The following BMPER variants were observed in gnomAD, a reference collection of about 807,000 sequenced individuals.
The protein encoded by BMPER is BMP binding endothelial regulator, also known as BMP-binding endothelial regulator protein.
BMPER carries 45 observed loss-of-function variants against 87.3 expected under a neutral mutation model. The ratio of observed to expected loss-of-function variants is 0.52; its 90% CI spans 0.41 to 0.66. The LOEUF (loss-of-function observed/expected upper bound fraction) is 0.66. Among genes scored for constraint, BMPER ranks in the 30% least tolerant of loss-of-function variants. The pLI, the probability that BMPER is intolerant of heterozygous loss-of-function variation, is 0.00. For synonymous variants in BMPER, 326 were observed against 316.2 expected, an observed-to-expected ratio of 1.03 and a Z score of -0.33; for missense variants, 784 against 867.5, an observed-to-expected ratio of 0.90 and a Z score of 1.21.
intron 13 of BMPER, among the ~76,000 whole-genome samples, chr7:34,110,374 T>C (rs1157141793): frequency 6.6e-6 from 1 of 151,802 alleles, no homozygotes; most frequent in East Asian, 1.9e-4. Flanking sequence ...GGAGGGAGAG[T>C]AGGAAAGTGG....
intron 2 of BMPER, among the ~76,000 whole-genome samples, chr7:33,915,973 A>C (rs1224234536): frequency 2.6e-5 from 4 of 152,210 alleles, no homozygotes; most frequent in African/African-American, 7.2e-5. Context: ...AAGTTACAGC[A>C]CAAAAAATTC....
intron 3 of BMPER, among the ~76,000 whole-genome samples, chr7:33,959,051 C>T (rs992818536): frequency 2.0e-5 from 3 of 152,132 alleles, no homozygotes; most frequent in Non-Finnish European, 4.4e-5. Flanking sequence ...TTTGCTCTTC[C>T]TTCATCTTCC....
chr7:33,924,924 A>G (rs1784325148), intron 2 of BMPER, among the ~76,000 whole-genome samples: 1 of 152,128 alleles, frequency 6.6e-6, no homozygotes. Context: ...GGTCTCCCAA[A>G]GTGCTGGGAT....
chr7:34,146,514 C>A (rs1791026277), intron 14 of BMPER, among the ~76,000 whole-genome samples: 1 of 152,110 alleles, frequency 6.6e-6, no homozygotes, highest in Non-Finnish European at 1.5e-5. Context: ...TAATAATAAT[C>A]ATTTATATTA....
In BMPER at chr7:34,153,686, TGG is replaced by T. The variant is rs1791242619; in HGVS notation, c.*414_*415del. 5.0e-6 allele frequency: 1 copy of T among 198,112 alleles called. No homozygotes were observed. Among genetic ancestry groups the T allele is most frequent in the African/African-American group, 2.4e-5 (1 of 42,174 alleles). The allele number at this position is 198,112 out of a possible 1,614,324, so 12.3% of individuals were successfully genotyped here. On this transcript the variant is annotated 3_prime_UTR_variant, in exon 15 of 15. Coordinates refer to ENST00000649409, the MANE Select transcript of BMPER (RefSeq NM_001365308.1). ...TTTAGTTTTGAGTCAGGATTTGTAA[TGG>T]AGTGGGAAATGTGTTTCTCTGGAGA...
chr7:34,125,655 C>G (rs1790382118), intron 13 of BMPER, among the ~76,000 whole-genome samples: 1 of 152,122 alleles, frequency 6.6e-6, no homozygotes, highest in Non-Finnish European at 1.5e-5. Flanking sequence ...GTAAATTGCT[C>G]CCAGCATGAC....
intron 6 of BMPER, among the ~76,000 whole-genome samples, chr7:34,041,893 C>G (rs983725656): frequency 6.6e-6 from 1 of 152,138 alleles, no homozygotes; most frequent in Non-Finnish European, 1.5e-5. Context: ...CTGCACTACT[C>G]TGCTCCCAGC....
chr7:33,906,409 C>G (rs1173928881), intron 1 of BMPER, among the ~76,000 whole-genome samples: 3 of 152,062 alleles, frequency 2.0e-5, no homozygotes, highest in Admixed American at 6.6e-5. Context: ...TGACTCAGTT[C>G]TGAGTTTTGG....
rs762174017 is a variant in BMPER, at chr7:34,146,425, A to AT, written c.1876+3065_1876+3066insT. ...CCCGCCACCTATGGCACAAAGGACT[A>AT]ATGGAACCCTAATTTAGCATGGGAA... On this transcript the variant is annotated intron_variant, in intron 14 of 14. Coordinates refer to ENST00000649409, the MANE Select transcript of BMPER (RefSeq NM_001365308.1). Among the ~76,000 whole-genome samples, 934 of 152,316 alleles carry AT rather than the reference A, an allele frequency of 6.1e-3. 6 individuals are homozygous for AT. Among genetic ancestry groups the AT allele is most frequent in the Non-Finnish European group, 8.8e-3 (599 of 68,026 alleles).
chr7:34,012,105 A>G (rs1409260230), intron 6 of BMPER, among the ~76,000 whole-genome samples: 2 of 152,056 alleles, frequency 1.3e-5, no homozygotes, highest in East Asian at 3.9e-4. Flanking sequence ...GTTTTCCAAT[A>G]CAAACTCTAT....
chr7:34,033,212 A>C (rs1180352497), intron 6 of BMPER, among the ~76,000 whole-genome samples: 4 of 152,216 alleles, frequency 2.6e-5, no homozygotes, highest in African/African-American at 4.8e-5. Flanking sequence ...AAAACATTTA[A>C]TGTACCATCT....
intron 13 of BMPER, among the ~76,000 whole-genome samples, chr7:34,141,814 T>C (rs1034617305): frequency 2.0e-5 from 3 of 152,038 alleles, no homozygotes; most frequent in Admixed American, 6.6e-5. Flanking sequence ...TGCCCTTGAG[T>C]GTTGGGCTGC....
chr7:33,963,761 C>G (rs1313814347), intron 3 of BMPER, among the ~76,000 whole-genome samples: 1 of 152,082 alleles, frequency 6.6e-6, no homozygotes, highest in Admixed American at 6.5e-5. Flanking sequence ...CCATTGCACT[C>G]TAGCCTGGGA....
intron 2 of BMPER, among the ~76,000 whole-genome samples, chr7:33,915,482 G>C (rs537191561): frequency 4.3e-4 from 65 of 152,296 alleles, no homozygotes; most frequent in African/African-American, 1.5e-3. Flanking sequence ...GTGAAGTGCA[G>C]CTGTGGTGTG....
chr7:34,100,400 G>A (rs1014698087), intron 13 of BMPER, among the ~76,000 whole-genome samples: 9 of 152,156 alleles, frequency 5.9e-5, no homozygotes, highest in Non-Finnish European at 1.2e-4. Context: ...TAAAAAGGAT[G>A]GGTAGGAGGC....
chr7:34,003,707 A>G (rs1345040459), intron 6 of BMPER, among the ~76,000 whole-genome samples: 1 of 152,070 alleles, frequency 6.6e-6, no homozygotes, highest in African/African-American at 2.4e-5. Context: ...TAGTTAACAT[A>G]CATGTTGATT....
At chr7:33,947,889 AGG>A (rs1784925472) in intron 3 of BMPER, among the ~76,000 whole-genome samples, 1 of 152,094 alleles carries the variant, frequency 6.6e-6, no homozygotes, top group Non-Finnish European at 1.5e-5. Flanking sequence ...GTTGTTTCGG[AGG>A]GAGCCAGCTA....
intron 13 of BMPER, among the ~76,000 whole-genome samples, chr7:34,111,443 G>A (rs778927501): frequency 1.3e-5 from 2 of 152,174 alleles, no homozygotes; most frequent in African/African-American, 2.4e-5. Flanking sequence ...TTGTTGATTG[G>A]CTGAGGCTTG....
At chr7:33,941,024 A>G (rs1784746066) in intron 3 of BMPER, among the ~76,000 whole-genome samples, 1 of 134,966 alleles carries the variant, frequency 7.4e-6, no homozygotes, top group Admixed American at 8.3e-5. Flanking sequence ...ATATTTACAT[A>G]TAATTTATAT....
Sources: gnomAD v4.1 joint callset for allele counts (sites outside exome capture counted in the v4.1 genomes callset) on GRCh38, gnomAD v4.1.1 for gene constraint, MANE v1.5 for transcripts, NCBI Gene and HGNC (gene_info 2026-07-23, HGNC 2026-07-21) for gene names.